Variants in ANOS1 observed in about 807,000 individuals in gnomAD.
The protein encoded by ANOS1 is anosmin-1.
Under a neutral mutation model 59.0 loss-of-function variants are expected in ANOS1, and 6 were observed. The ratio of observed to expected loss-of-function variants is 0.10; its 90% CI spans 0.06 to 0.20. The LOEUF is 0.20. Among genes scored for constraint, ANOS1 ranks in the 10% least tolerant of loss-of-function variants. The pLI, the probability that ANOS1 is intolerant of heterozygous loss-of-function variation, is 1.00. For missense variants in ANOS1, 433 were observed against 542.3 expected (o/e 0.80, Z 2.00); for synonymous variants, 217 against 223.4 (o/e 0.97, Z 0.25).
chrX:8,595,435 G>T (rs868429326), intron 4 of ANOS1, among the ~76,000 whole-genome samples: 10 of 107,166 alleles, frequency 9.3e-5, no homozygotes, highest in African/African-American at 2.7e-4. Context: ...CAACGATAAA[G>T]AAAAAAAAAC....
At chrX:8,547,104 C>T (rs1012055915) in intron 9 of ANOS1, among the ~76,000 whole-genome samples, 2 of 111,852 alleles carry the variant, frequency 1.8e-5, no homozygotes, top group African/African-American at 3.3e-5. Context: ...AATTAACCGA[C>T]GTGCTCTCTC....
At chrX:8,663,502 TAAGAA>T (rs1416276052) in intron 2 of ANOS1, among the ~76,000 whole-genome samples, 48 of 111,573 alleles carry the variant, frequency 4.3e-4, no homozygotes, top group Non-Finnish European at 2.3e-4. Context: ...GGATGGTAGA[TAAGAA>T]AAGAAACAAC....
At chrX:8,605,060 T>C (rs1455371532) in intron 3 of ANOS1, among the ~76,000 whole-genome samples, 1 of 112,669 alleles carries the variant, frequency 8.9e-6, no homozygotes, top group African/African-American at 3.2e-5. Flanking sequence ...AATTTTTAAA[T>C]CAGAAAATGT....
chrX:8,551,639 A>C (rs1929858951), intron 9 of ANOS1, among the ~76,000 whole-genome samples: 1 of 110,917 alleles, frequency 9.0e-6, no homozygotes, highest in South Asian at 3.8e-4. Context: ...GAAAGTTAAA[A>C]ATGCAAGAGT....
intron 2 of ANOS1, among the ~76,000 whole-genome samples, chrX:8,685,608 GA>G (rs1190621248): frequency 1.3e-4 from 9 of 71,696 alleles, no homozygotes; most frequent in African/African-American, 6.1e-4. Flanking sequence ...AAGAAAGAAA[GA>G]AAGAAAGAAA....
At chrX:8,549,637 G>A (rs780514645) in intron 9 of ANOS1, among the ~76,000 whole-genome samples, 20 of 112,221 alleles carry the variant, frequency 1.8e-4, no homozygotes, top group Admixed American at 5.7e-4. Flanking sequence ...TGCACTATAA[G>A]CAGTGCCGTA....
intron 2 of ANOS1, among the ~76,000 whole-genome samples, chrX:8,690,026 G>T (rs908636831): frequency 5.4e-5 from 6 of 111,884 alleles, no homozygotes; most frequent in Non-Finnish European, 1.1e-4. Flanking sequence ...CAAATGTTAA[G>T]ACCAAAATGT....
At chrX:8,697,404 A>G (rs989583397) in intron 2 of ANOS1, among the ~76,000 whole-genome samples, 1 of 111,307 alleles carries the variant, frequency 9.0e-6, no homozygotes, top group South Asian at 3.8e-4. Context: ...TGCCACTTAT[A>G]TGTTTGAAGG....
At chrX:8,685,487 A>AAGAAG (rs1482845790) in intron 2 of ANOS1, among the ~76,000 whole-genome samples, 4 of 106,805 alleles carry the variant, frequency 3.7e-5, no homozygotes, top group East Asian at 5.9e-4. Context: ...GAAAAAAGAA[A>AAGAAG]AGAAGAGAAG....
At chrX:8,731,657 TGGAAA>T (rs963934497) in intron 1 of ANOS1, among the ~76,000 whole-genome samples, 168 bp downstream of exon 1, 4 of 112,042 alleles carry the variant, frequency 3.6e-5, no homozygotes, top group African/African-American at 1.3e-4. Flanking sequence ...GGGAAGAGGC[TGGAAA>T]GGAGAGTTCC....
intron 2 of ANOS1, among the ~76,000 whole-genome samples, chrX:8,670,952 A>G (rs1409581388): frequency 1.8e-5 from 2 of 110,086 alleles, no homozygotes; most frequent in Admixed American, 9.8e-5. Flanking sequence ...TTTGCCTCCC[A>G]TCTCCCGAAA....
rs1223095539 is a variant in ANOS1 at position 8,732,010 on chromosome X, G to A, written c.27C>T (p.Val9=). 2 of 1,029,018 alleles carry A rather than the reference G, an allele frequency of 1.9e-6. No individual in the cohort carries two copies. Among genetic ancestry groups the A allele is most frequent in the East Asian group, 8.5e-5 (2 of 23,580 alleles). 84.8% of individuals were successfully genotyped at this position (1,029,018 alleles called of 1,213,427 possible). The change falls in exon 1 of 14, where the codon GTC becomes GTT. Residue 9 remains valine (V), a synonymous_variant. Coordinates refer to ENST00000262648, the MANE Select transcript of ANOS1 (RefSeq NM_000216.4). Reference sequence around the variant, plus strand: ...CCGCCAGCCAGAGGCAGAGGGTCAGGACCGCGCCGGGCACCCCGGGCACCA... The same window carrying A: ...CCGCCAGCCAGAGGCAGAGGGTCAGAACCGCGCCGGGCACCCCGGGCACCA... The part of the protein sequence containing the change: MVPGVPGA[V]LTLCLWLAAS...
At position 8,554,115 on chromosome X, in the gene ANOS1, C is replaced by T; in HGVS notation, c.1208-17G>A. 1 of 1,181,444 alleles carries T rather than the reference C, an allele frequency of 8.5e-7. No individual in the cohort carries two copies. The highest frequency in any genetic ancestry group is 1.2e-6 in the Non-Finnish European group (1 of 868,906). ...GCTGTTCTTCTACAACAAAGTACAACATTCTAAGTTACTTGTTAAAAGTAA... is the reference window on the plus strand; with the variant it reads ...GCTGTTCTTCTACAACAAAGTACAATATTCTAAGTTACTTGTTAAAAGTAA... On this transcript the variant is annotated splice_polypyrimidine_tract_variant and intron_variant, in intron 8 of 13. Coordinates refer to ENST00000262648, the MANE Select transcript of ANOS1 (RefSeq NM_000216.4).
chrX:8,681,646 A>T (rs112915942), intron 2 of ANOS1, among the ~76,000 whole-genome samples: 3 of 111,761 alleles, frequency 2.7e-5, no homozygotes, highest in African/African-American at 9.7e-5. Context: ...CTCCAAGGAC[A>T]TCAAGGCCCA....
At chrX:8,713,528 A>G (rs1247069871) in intron 1 of ANOS1, among the ~76,000 whole-genome samples, 9 of 111,744 alleles carry the variant, frequency 8.1e-5, no homozygotes, top group African/African-American at 2.6e-4. Context: ...GATCCCCACG[A>G]AAGCCTGAGA....
intron 2 of ANOS1, among the ~76,000 whole-genome samples, chrX:8,646,969 A>T (rs1304186241): frequency 9.4e-6 from 1 of 106,821 alleles, no homozygotes; most frequent in African/African-American, 3.4e-5. Context: ...TTCACAGGGC[A>T]CTTGCATGCT....
intron 2 of ANOS1, among the ~76,000 whole-genome samples, chrX:8,666,372 T>C (rs752526812): frequency 3.6e-5 from 4 of 111,642 alleles, no homozygotes; most frequent in Non-Finnish European, 5.6e-5. Flanking sequence ...GTTAAGAATG[T>C]TTACATTTTC....
chrX:8,549,129 G>A (rs1345076818), intron 9 of ANOS1, among the ~76,000 whole-genome samples: 7 of 111,726 alleles, frequency 6.3e-5, no homozygotes, highest in Non-Finnish European at 1.3e-4. Context: ...TTCATGCATC[G>A]TAAACTGGAT....
At chrX:8,576,372 T>C (rs1417080724) in intron 6 of ANOS1, among the ~76,000 whole-genome samples, 1 of 110,692 alleles carries the variant, frequency 9.0e-6, no homozygotes. Context: ...GGCTGAATTA[T>C]ACAGAATGTT....
Sources: allele counts gnomAD v4.1 joint callset (sites outside exome capture counted in the v4.1 genomes callset), GRCh38; gene constraint gnomAD v4.1.1; transcripts MANE v1.5; gene names NCBI Gene and HGNC (gene_info 2026-07-23, HGNC 2026-07-21).